Variants in UBXN2A observed in about 807,000 individuals in gnomAD.
UBXN2A encodes the protein UBX domain protein 2A.
Under a neutral mutation model 28.4 loss-of-function variants are expected in UBXN2A, and 28 were observed. The observed-to-expected ratio is 0.99, with a 90% confidence interval of 0.73 to 1.35. The LOEUF (loss-of-function observed/expected upper bound fraction) is 1.35, where lower values mean the gene tolerates loss of function less well. UBXN2A is among the 40% of genes most tolerant of loss of function. The pLI is 0.00. For synonymous variants in UBXN2A, 97 were observed against 103.6 expected (o/e 0.94, Z 0.39); for missense variants, 253 against 297.9 (o/e 0.85, Z 1.11).
intron 1 of UBXN2A, among the ~76,000 whole-genome samples, chr2:23,955,227 G>A (rs1364216053): frequency 1.3e-5 from 2 of 151,990 alleles, no homozygotes; most frequent in East Asian, 1.9e-4. Flanking sequence ...CATCGCACCC[G>A]GCTGCTTGCC....
At chr2:23,986,735 G>A (rs1708148868) in intron 6 of UBXN2A, among the ~76,000 whole-genome samples, 1 of 151,840 alleles carries the variant, frequency 6.6e-6, no homozygotes, top group Admixed American at 6.6e-5. Context: ...AGCCTCCTGA[G>A]TAGCTGGGAT....
intron 6 of UBXN2A, 84 bp downstream of exon 6, chr2:23,984,915 T>G: frequency 7.1e-7 from 1 of 1,413,038 alleles, no homozygotes. Flanking sequence ...ACAGTTTATT[T>G]TTTAGAGATA....
chr2:23,962,837 C>T (rs1408686924), intron 2 of UBXN2A, among the ~76,000 whole-genome samples: 2 of 151,956 alleles, frequency 1.3e-5, no homozygotes, highest in Non-Finnish European at 1.5e-5. Context: ...CTCCAACTCC[C>T]GACCTCAGGT....
intron 1 of UBXN2A, among the ~76,000 whole-genome samples, chr2:23,956,874 G>T (rs1706654296): frequency 6.6e-6 from 1 of 152,102 alleles, no homozygotes; most frequent in Non-Finnish European, 1.5e-5. Context: ...CAGTGGTTTG[G>T]ACTACACCTG....
chr2:23,928,517 C>A (rs1426057764), intron 1 of UBXN2A, among the ~76,000 whole-genome samples: 1 of 151,228 alleles, frequency 6.6e-6, no homozygotes, highest in Non-Finnish European at 1.5e-5. Context: ...GCAGAGATTG[C>A]AGTAAGCCAA....
rs562752534 is a variant in UBXN2A at position 23,971,386 on chromosome 2, G to A, written c.152G>A (p.Cys51Tyr). The change falls in exon 3 of 7, where the codon TGT (cysteine) becomes TAT (tyrosine). Residue 51 changes from cysteine to tyrosine, a missense_variant. Cys to Tyr is a radical substitution (Grantham distance 194). Coordinates refer to ENST00000309033, the MANE Select transcript of UBXN2A (RefSeq NM_181713.4). Reference sequence around the variant, plus strand: ...GAAGCTCAGAAGGTTAGTTCCAAATGTGTGTCTCCCGCTGAACAGAAGAAA... The same window carrying A: ...GAAGCTCAGAAGGTTAGTTCCAAATATGTGTCTCCCGCTGAACAGAAGAAA... ...FEEAQKVSSK[C>Y]VSPAEQKKQV... is the part of the protein sequence containing the mutation. 3.8e-6 allele frequency: 6 copies of A among 1,564,348 alleles called. No individual in the cohort carries two copies. The South Asian group carries it at 7.2e-5, about 19-fold the overall frequency.
intron 6 of UBXN2A, among the ~76,000 whole-genome samples, chr2:23,996,337 G>C (rs187640957): frequency 4.6e-5 from 7 of 152,138 alleles, no homozygotes; most frequent in Non-Finnish European, 8.8e-5. Flanking sequence ...AAAGTGCTGA[G>C]AGTACAGGCA....
chr2:23,940,134 G>A (rs1379066486), upstream of UBXN2A, among the ~76,000 whole-genome samples: 4 of 151,494 alleles, frequency 2.6e-5, no homozygotes, highest in East Asian at 7.8e-4. Context: ...AAAAAAGGTG[G>A]GTGGGGGTTT....
chr2:23,985,180 G>A (rs949237568), intron 6 of UBXN2A, among the ~76,000 whole-genome samples: 3 of 151,986 alleles, frequency 2.0e-5, no homozygotes, highest in Non-Finnish European at 2.9e-5. Context: ...TGAATTCATC[G>A]TCCTGCCTTA....
chr2:23,970,168 C>T (rs1430710377), intron 2 of UBXN2A, among the ~76,000 whole-genome samples: 3 of 152,082 alleles, frequency 2.0e-5, no homozygotes, highest in African/African-American at 7.2e-5. Flanking sequence ...CCTGTAGTCC[C>T]AGCTACTTGG....
At chr2:23,968,622 G>A (rs575835933) in intron 2 of UBXN2A, among the ~76,000 whole-genome samples, 368 of 150,778 alleles carry the variant, frequency 2.4e-3, no homozygotes, top group African/African-American at 8.2e-3. Flanking sequence ...GCAGTGAGCC[G>A]AGATTGCGCC....
At position 23,958,356 on chromosome 2, in the gene UBXN2A, G is replaced by C; in HGVS notation, c.41+1G>C. ...ACCTCAAAAGTATAAAAGAAGAATG[G>C]TAAGTTAATTCAAACTGAATTGCTT... On this transcript the variant is annotated splice_donor_variant, in intron 2 of 6. Transcript: ENST00000309033. LOFTEE classifies it high-confidence loss of function. The C allele has an allele frequency of 6.2e-7, 1 of 1,604,268 alleles. No homozygotes were observed. Among genetic ancestry groups the C allele is most frequent in the Non-Finnish European group, 8.5e-7 (1 of 1,176,890 alleles).
intron 1 of UBXN2A, among the ~76,000 whole-genome samples, chr2:23,929,211 C>T (rs1705297292): frequency 6.6e-6 from 1 of 151,866 alleles, no homozygotes. Flanking sequence ...TAGCCTTGAC[C>T]TCCCAGGCTC....
chr2:23,999,775 A>G lies in UBXN2A; in HGVS notation c.688A>G (p.Thr230Ala), dbSNP rs1184526269. 1 of 1,614,158 alleles carries G rather than the reference A, an allele frequency of 6.2e-7. No individual in the cohort carries two copies. Among genetic ancestry groups the G allele is most frequent in the Admixed American group, 1.7e-5 (1 of 60,012 alleles). The change falls in exon 7 of 7, where the codon ACA becomes GCA. Residue 230 changes from threonine to alanine, a missense_variant. Transcript: ENST00000309033. ...ALPVLRLLDE[T>A]LTLEEADLQN... ...TCCTGTCCTCAGGTTGCTAGATGAG[A>G]CACTCACACTGGAAGAAGCAGATTT...
At chr2:23,939,990 A>T (rs1705666121), upstream of UBXN2A, among the ~76,000 whole-genome samples, 1 of 151,884 alleles carries the variant, frequency 6.6e-6, no homozygotes, top group Admixed American at 6.6e-5. Flanking sequence ...GGCGCCTGTA[A>T]TCCCAGCTAC....
intron 2 of UBXN2A, among the ~76,000 whole-genome samples, chr2:23,969,529 A>C (rs1005651801): frequency 2.6e-5 from 4 of 151,998 alleles, no homozygotes; most frequent in Non-Finnish European, 4.4e-5. Flanking sequence ...TGCCCAGCTA[A>C]TTTTTGTATT....
At chr2:23,978,846 G>A (rs1347335982) in intron 4 of UBXN2A, among the ~76,000 whole-genome samples, 8 of 147,896 alleles carry the variant, frequency 5.4e-5, no homozygotes, top group Admixed American at 3.4e-4. Flanking sequence ...CCTGTTAGTC[G>A]CAGCTACTTG....
At chr2:23,954,823 T>G (rs1363665175) in intron 1 of UBXN2A, among the ~76,000 whole-genome samples, 3 of 151,220 alleles carry the variant, frequency 2.0e-5, no homozygotes, top group Middle Eastern at 3.4e-3. Flanking sequence ...GGTGACATGA[T>G]CATGGCTCAC....
chr2:23,963,802 A>C (rs1707042312), intron 2 of UBXN2A, among the ~76,000 whole-genome samples: 1 of 152,184 alleles, frequency 6.6e-6, no homozygotes, highest in African/African-American at 2.4e-5. Flanking sequence ...CAGCAATCCC[A>C]CCTCTGGATA....
Sources: allele counts gnomAD v4.1 joint callset (sites outside exome capture counted in the v4.1 genomes callset), GRCh38; gene constraint gnomAD v4.1.1; transcripts MANE v1.5; gene names NCBI Gene and HGNC (gene_info 2026-07-23, HGNC 2026-07-21).